Variants in SNX8 observed in about 807,000 individuals in gnomAD.
SNX8 encodes sorting nexin 8.
SNX8 carries 25 observed loss-of-function variants against 51.6 expected under a neutral mutation model. The observed-to-expected ratio is 0.48, with a 90% CI of 0.35 to 0.68. The LOEUF is 0.68. Among genes scored for constraint, SNX8 ranks in the 30% least tolerant of loss-of-function variants. SNX8 has a pLI of 0.00. For missense variants in SNX8, 695 were observed against 624.0 expected (o/e 1.11, Z -1.21); for synonymous variants, 324 against 277.0 (o/e 1.17, Z -1.68).
rs376343647 is a variant in SNX8, at chr7:2,264,266, C to T, written c.782+32G>A. 6.9e-6 allele frequency: 11 copies of T among 1,592,098 alleles called. No individual in the cohort carries two copies. The African/African-American group carries it at 1.1e-4, about 15-fold the overall frequency. On this transcript the variant is annotated intron_variant, in intron 6 of 10. Coordinates refer to ENST00000222990, the MANE Select transcript of SNX8 (RefSeq NM_013321.4). ...CAGCATGGATTCCCGTCCCACCGCG[C>T]GTGCCCCTGCAGAAGCTGAAAGGTC...
intron 1 of SNX8, chr7:2,307,950 C>T (rs1160370387): frequency 2.6e-5 from 4 of 151,960 alleles, no homozygotes; most frequent in Non-Finnish European, 5.9e-5. Context: ...TTCTTGCTAA[C>T]CACAAATTCT....
At chr7:2,314,454 C>A, upstream of SNX8, 2 of 1,201,830 alleles carry the variant, frequency 1.7e-6, no homozygotes, top group Non-Finnish European at 2.1e-6. Context: ...CTTCCTCCCG[C>A]GCCACCCGGC....
At chr7:2,310,107 A>C (rs1007933384) in intron 1 of SNX8, among the ~76,000 whole-genome samples, 2 of 152,162 alleles carry the variant, frequency 1.3e-5, no homozygotes, top group African/African-American at 4.8e-5. Context: ...CAGAGCCAGG[A>C]TACGCCGTGG....
At chr7:2,346,921 CAAAAAA>C (rs758069233) in intron 1 of SNX8, among the ~76,000 whole-genome samples, 16 of 49,784 alleles carry the variant, frequency 3.2e-4, no homozygotes, top group African/African-American at 9.2e-4. Flanking sequence ...GACTCCGTCT[CAAAAAA>C]AAAAAAAAAA....
intron 1 of SNX8, among the ~76,000 whole-genome samples, chr7:2,303,853 G>C (rs1018378458): frequency 1.3e-4 from 20 of 151,998 alleles, no homozygotes; most frequent in African/African-American, 4.8e-4. Flanking sequence ...GAAAACCAGA[G>C]ACCTTTGTTC....
At chr7:2,283,828 C>T (rs1400645538) in intron 1 of SNX8, among the ~76,000 whole-genome samples, 1 of 152,234 alleles carries the variant, frequency 6.6e-6, no homozygotes, top group African/African-American at 2.4e-5. Context: ...CGGAGTCTTA[C>T]TCTGTCACCC....
At chr7:2,281,857 CT>C (rs1391080592) in intron 1 of SNX8, among the ~76,000 whole-genome samples, 1 of 152,310 alleles carries the variant, frequency 6.6e-6, no homozygotes, top group East Asian at 1.9e-4. Flanking sequence ...GCCCTCACCC[CT>C]GGGCCTGGCC....
chr7:2,308,703 G>C (rs1403713845), intron 1 of SNX8, among the ~76,000 whole-genome samples: 2 of 149,110 alleles, frequency 1.3e-5, no homozygotes, highest in Non-Finnish European at 3.0e-5. Context: ...ATGGAAGGGA[G>C]CGAAATGGGG....
At position 2,255,395 on chromosome 7, in the gene SNX8, G is replaced by A. The variant is rs924163727; in HGVS notation, c.1285-226C>T. Among the ~76,000 whole-genome samples, 6 of 152,172 alleles carry A rather than the reference G, an allele frequency of 3.9e-5. No homozygotes were observed. The East Asian group carries it at 5.8e-4, about 15-fold the overall frequency. On this transcript the variant is annotated intron_variant, in intron 10 of 10. Coordinates refer to ENST00000222990, the MANE Select transcript of SNX8 (RefSeq NM_013321.4). ...CTGTGGTCACAGACACCCACGCTTCGATCCCTGCACCCAGGACCAAAGGGC... is the reference window on the plus strand; with the variant it reads ...CTGTGGTCACAGACACCCACGCTTCAATCCCTGCACCCAGGACCAAAGGGC...
At chr7:2,257,330 C>T (rs778427842) in intron 9 of SNX8, 35 bp downstream of exon 9, 2 of 1,588,838 alleles carry the variant, frequency 1.3e-6, no homozygotes, top group Non-Finnish European at 1.7e-6. Flanking sequence ...AGGGGAAAGG[C>T]TCCCACGGGC....
upstream of SNX8, chr7:2,314,536 C>T (rs1796723924): frequency 1.9e-6 from 2 of 1,045,346 alleles, no homozygotes; most frequent in Non-Finnish European, 2.3e-6. Context: ...CCCCGCGCGC[C>T]ACGCCCACAG....
At chr7:2,278,834 C>T (rs200239680) in intron 1 of SNX8, among the ~76,000 whole-genome samples, 2,081 of 18,348 alleles carry the variant, frequency 0.11, 318 homozygotes, top group South Asian at 0.19. Flanking sequence ...ACTACGGAGT[C>T]GACGCCGGAC....
At chr7:2,343,402 A>C (rs1315741001) in intron 1 of SNX8, among the ~76,000 whole-genome samples, 2 of 151,448 alleles carry the variant, frequency 1.3e-5, no homozygotes, top group African/African-American at 4.8e-5. Context: ...CAGGCCGGGC[A>C]TGGTGGCTCA....
At chr7:2,272,075 A>T (rs7811591) in intron 3 of SNX8, 104 bp from the exon 4 acceptor site, 7 of 1,493,868 alleles carry the variant, frequency 4.7e-6, no homozygotes, top group African/African-American at 1.4e-5. Flanking sequence ...CAGAGGGCCC[A>T]GCGGCTAGCA....
chr7:2,271,307 G>A (rs758922150), intron 4 of SNX8, among the ~76,000 whole-genome samples: 18 of 152,258 alleles, frequency 1.2e-4, no homozygotes, highest in African/African-American at 2.2e-4. Flanking sequence ...CTCTCCGAGC[G>A]CTGGGATTAG....
chr7:2,280,240 A>T (rs1332231656), intron 1 of SNX8, among the ~76,000 whole-genome samples: 1 of 152,206 alleles, frequency 6.6e-6, no homozygotes, highest in Non-Finnish European at 1.5e-5. Flanking sequence ...CAAAGAAAAA[A>T]CCAAAACAAG....
At chr7:2,290,645 C>T (rs575705862) in intron 1 of SNX8, among the ~76,000 whole-genome samples, 8 of 152,278 alleles carry the variant, frequency 5.3e-5, no homozygotes, top group African/African-American at 1.9e-4. Flanking sequence ...GGAGGGTGGC[C>T]GAGGCAGGGC....
chr7:2,310,165 A>G (rs979160915), intron 1 of SNX8, among the ~76,000 whole-genome samples: 3 of 152,104 alleles, frequency 2.0e-5, no homozygotes, highest in African/African-American at 7.2e-5. Flanking sequence ...CCGAGAAATC[A>G]GGCTGGACGA....
intron 5 of SNX8, among the ~76,000 whole-genome samples, chr7:2,266,625 G>A (rs938060182): frequency 6.4e-4 from 97 of 152,202 alleles, no homozygotes; most frequent in African/African-American, 2.2e-3. Flanking sequence ...GATTACAGGC[G>A]TAAGCCACCA....
Sources: allele counts gnomAD v4.1 joint callset (sites outside exome capture counted in the v4.1 genomes callset), GRCh38; gene constraint gnomAD v4.1.1; transcripts MANE v1.5; gene names NCBI Gene and HGNC (gene_info 2026-07-23, HGNC 2026-07-21).